Variants in MAP4K3 observed in about 807,000 individuals in gnomAD.
The protein encoded by MAP4K3 is mitogen-activated protein kinase kinase kinase kinase 3, also known as MAPK/ERK kinase kinase kinase 3.
Under a neutral mutation model 143.5 loss-of-function variants are expected in MAP4K3, and 94 were observed. That is an observed-to-expected ratio of 0.65 (90% CI 0.55 to 0.78). The LOEUF (loss-of-function observed/expected upper bound fraction) is 0.78, where lower values mean the gene tolerates loss of function less well. MAP4K3 is among the 30% of genes least tolerant of loss of function. The pLI is 0.00. For synonymous variants in MAP4K3, 416 were observed against 347.2 expected, an observed-to-expected ratio of 1.20 and a Z score of -2.20; for missense variants, 1,077 against 1,068.1, an observed-to-expected ratio of 1.01 and a Z score of -0.12.
rs970812698 is a variant in MAP4K3, at chr2:39,331,809, C to A, written c.530+108G>T. 9.3e-6 allele frequency: 6 copies of A among 641,962 alleles called. No homozygotes were observed. In the East Asian group the frequency reaches 1.7e-4, roughly 18 times the overall value. 39.8% of individuals were successfully genotyped at this position (641,962 alleles called of 1,614,324 possible). ...CCTGAATTACTTTGCCTGTTGATGA[C>A]TTTTTTCTTAATCTTAGTCTGAAAA... is the stretch of plus-strand genomic sequence containing the variant. On this transcript the variant is annotated intron_variant, in intron 8 of 33. Coordinates refer to ENST00000263881, the MANE Select transcript of MAP4K3 (RefSeq NM_003618.4).
chr2:39,387,990 A>G (rs868173687), intron 1 of MAP4K3, among the ~76,000 whole-genome samples: 1 of 152,260 alleles, frequency 6.6e-6, no homozygotes, highest in South Asian at 2.1e-4. Context: ...TGTGAGTGAT[A>G]AAAGAGTACA....
At chr2:39,384,456 G>C (rs10197632) in intron 1 of MAP4K3, among the ~76,000 whole-genome samples, 120,489 of 152,292 alleles carry the variant, frequency 0.79, 53,308 homozygotes, top group Non-Finnish European at 0.97. Context: ...TGGGACAGGA[G>C]AATCGCTTGA....
At chr2:39,283,103 TAC>T (rs1681610456) in intron 21 of MAP4K3, among the ~76,000 whole-genome samples, 1 of 152,248 alleles carries the variant, frequency 6.6e-6, no homozygotes, top group Non-Finnish European at 1.5e-5. Context: ...TATACCTACT[TAC>T]ACAGTGTATG....
At chr2:39,272,606 C>T in intron 24 of MAP4K3, 64 bp from the exon 25 acceptor site, 4 of 1,295,284 alleles carry the variant, frequency 3.1e-6, no homozygotes, top group Non-Finnish European at 3.3e-6. Flanking sequence ...AATCTGTACA[C>T]AGTAATCACG....
intron 1 of MAP4K3, among the ~76,000 whole-genome samples, chr2:39,417,395 AT>A (rs1241589586): frequency 6.6e-6 from 1 of 151,916 alleles, no homozygotes; most frequent in Non-Finnish European, 1.5e-5. Flanking sequence ...AATTTTTTGT[AT>A]TTTTAGTAGA....
intron 33 of MAP4K3, among the ~76,000 whole-genome samples, chr2:39,251,135 A>G (rs764597581): frequency 1.8e-4 from 27 of 152,184 alleles, no homozygotes; most frequent in African/African-American, 6.5e-4. Flanking sequence ...GCGCTCACAG[A>G]AAGAGTTGTA....
chr2:39,385,620 T>C (rs113401042), intron 1 of MAP4K3, among the ~76,000 whole-genome samples: 1,697 of 143,928 alleles, frequency 0.012, 40 homozygotes, highest in African/African-American at 0.043. Context: ...TTGTCAGATA[T>C]ATGATTTGCA....
At chr2:39,340,057 G>A (rs1665095354) in intron 4 of MAP4K3, among the ~76,000 whole-genome samples, 1 of 152,122 alleles carries the variant, frequency 6.6e-6, no homozygotes, top group Admixed American at 6.5e-5. Flanking sequence ...AACAATAAAA[G>A]GTTCTACTGT....
At chr2:39,358,923 C>A (rs778988634) in intron 2 of MAP4K3, among the ~76,000 whole-genome samples, 10 of 152,116 alleles carry the variant, frequency 6.6e-5, no homozygotes, top group African/African-American at 1.4e-4. Context: ...GTGACACAAC[C>A]AAACTACATC....
intron 1 of MAP4K3, among the ~76,000 whole-genome samples, chr2:39,404,234 T>A (rs1249382888): frequency 1.3e-5 from 2 of 152,150 alleles, no homozygotes; most frequent in African/African-American, 4.8e-5. Context: ...TCACCTTAGG[T>A]ACCAGCTCAG....
intron 12 of MAP4K3, among the ~76,000 whole-genome samples, chr2:39,324,468 C>T (rs1224750203): frequency 2.0e-5 from 3 of 151,958 alleles, no homozygotes. Context: ...ATTAATTATA[C>T]TTTACATTCC....
At chr2:39,301,548 C>G (rs1472248358) in intron 15 of MAP4K3, among the ~76,000 whole-genome samples, 1 of 152,160 alleles carries the variant, frequency 6.6e-6, no homozygotes, top group African/African-American at 2.4e-5. Context: ...ATCTCTTAAG[C>G]CTTTAATCAA....
intron 15 of MAP4K3, among the ~76,000 whole-genome samples, chr2:39,301,996 CT>C (rs1682531606): frequency 6.6e-6 from 1 of 151,452 alleles, no homozygotes; most frequent in Non-Finnish European, 1.5e-5. Flanking sequence ...TACACTCCAG[CT>C]TGGCGACAGA....
At chr2:39,346,066 G>A (rs1665283547) in intron 3 of MAP4K3, among the ~76,000 whole-genome samples, 1 of 151,654 alleles carries the variant, frequency 6.6e-6, no homozygotes, top group South Asian at 2.1e-4. Context: ...TTCTAATATG[G>A]TAAATACCAA....
intron 3 of MAP4K3, among the ~76,000 whole-genome samples, chr2:39,343,851 T>C (rs1665209943): frequency 6.6e-6 from 1 of 152,164 alleles, no homozygotes; most frequent in African/African-American, 2.4e-5. Context: ...ATATAAATGT[T>C]AGCTTCATAT....
intron 2 of MAP4K3, among the ~76,000 whole-genome samples, chr2:39,364,558 T>C (rs1396535550): frequency 2.6e-5 from 4 of 152,136 alleles, no homozygotes; most frequent in Non-Finnish European, 4.4e-5. Context: ...TAAGGAGACA[T>C]AAGACATCAA....
chr2:39,280,223 CCA>C, intron 23 of MAP4K3, 47 bp downstream of exon 23: 1 of 1,066,326 alleles, frequency 9.4e-7, no homozygotes, highest in South Asian at 2.2e-5. Context: ...TTTCATGGCC[CCA>C]GTTTTAAAAA....
chr2:39,357,716 C>T (rs1285906961), intron 2 of MAP4K3, among the ~76,000 whole-genome samples: 6 of 152,130 alleles, frequency 3.9e-5, no homozygotes, highest in Non-Finnish European at 5.9e-5. Flanking sequence ...ATTGAGGATT[C>T]CTGATTTTCT....
chr2:39,334,430 G>C (rs1376589273), intron 6 of MAP4K3, among the ~76,000 whole-genome samples: 1 of 112,798 alleles, frequency 8.9e-6, no homozygotes, highest in Non-Finnish European at 2.2e-5. Flanking sequence ...TGGCACAGGA[G>C]ACAGGGGGTT....
Sources: allele counts gnomAD v4.1 joint callset (sites outside exome capture counted in the v4.1 genomes callset), GRCh38; gene constraint gnomAD v4.1.1; transcripts MANE v1.5; gene names NCBI Gene and HGNC (gene_info 2026-07-23, HGNC 2026-07-21).